Variants in ATP1A3 observed in about 807,000 individuals in gnomAD.
ATP1A3 encodes ATPase Na+/K+ transporting subunit alpha 3, also known as sodium/potassium-transporting ATPase subunit alpha-3.
ATP1A3 carries 12 observed loss-of-function variants against 108.8 expected under a neutral mutation model. The observed-to-expected ratio is 0.11, with a 90% CI of 0.07 to 0.18. ATP1A3 has a LOEUF of 0.18. Ranked by LOEUF, ATP1A3 falls within the 10% of genes least tolerant of loss-of-function variation. The pLI is 1.00. For synonymous variants in ATP1A3, 539 were observed against 564.5 expected (o/e 0.95, Z 0.64); for missense variants, 498 against 1,387.7 (o/e 0.36, Z 10.19).
In ATP1A3 at chr19:41,981,440, T is replaced by A; in HGVS notation, c.1437+62A>T. 6.2e-7 allele frequency: 1 copy of A among 1,612,836 alleles called. No individual in the cohort carries two copies. The highest frequency in any genetic ancestry group is 8.5e-7 in the Non-Finnish European group (1 of 1,179,176). On this transcript the variant is annotated intron_variant, in intron 11 of 22. Coordinates refer to ENST00000648268, the MANE Select transcript of ATP1A3 (RefSeq NM_152296.5). This position sits in a 1 kb window ranked among gnomAD's most constrained non-coding sequence, Gnocchi z 5.0. ...GGGAAAATCAAGGCTCTATGACACC[T>A]CTTTACAGGCGTCATAAGGAACCTG...
At position 41,977,929 on chromosome 19, in the gene ATP1A3, G is replaced by A. The variant is rs2145964292; in HGVS notation, c.1943+7C>T. The A allele has an allele frequency of 5.0e-6, 8 of 1,614,092 alleles. No individual in the cohort carries two copies. Among genetic ancestry groups the A allele is most frequent in the Non-Finnish European group, 6.8e-6 (8 of 1,179,968 alleles). Reference sequence around the variant, plus strand: ...GTCCAGGGCCCTGGCTGGGATGGGTGGCTCACCGGGGGTTAACCTGGCTGA... The same window carrying A: ...GTCCAGGGCCCTGGCTGGGATGGGTAGCTCACCGGGGGTTAACCTGGCTGA... On this transcript the variant is annotated splice_region_variant and intron_variant, in intron 14 of 22. Coordinates refer to ENST00000648268, the MANE Select transcript of ATP1A3 (RefSeq NM_152296.5).
At position 41,978,761 on chromosome 19, in the gene ATP1A3, C is replaced by T. The variant is rs564392504; in HGVS notation, c.1475G>A (p.Arg492Gln). The change falls in exon 12 of 23, where the codon CGA (arginine) becomes CAA (glutamine). Residue 492 changes from arginine (R) to glutamine (Q), a missense_variant. By Grantham distance (43) the Arg-to-Gln change is conservative. This residue lies in a region of ATP1A3 where 92 missense variants were observed against 168.7 expected (regional missense o/e 0.55). Coordinates refer to ENST00000648268, the MANE Select transcript of ATP1A3 (RefSeq NM_152296.5). This position sits in a 1 kb window ranked among gnomAD's most constrained non-coding sequence, Gnocchi z 8.3. ...IHETEDPNDN[R>Q]YLLVMKGAPE... Reference sequence around the variant, plus strand: ...GGCACCCTTCATCACCAGCAGGTATCGGTTGTCGTTGGGGTCCTCGGTCTC... The same window carrying T: ...GGCACCCTTCATCACCAGCAGGTATTGGTTGTCGTTGGGGTCCTCGGTCTC... 14 of 1,614,044 alleles carry T rather than the reference C, an allele frequency of 8.7e-6. No individual in the cohort carries two copies. Among genetic ancestry groups the T allele is most frequent in the Admixed American group, 1.7e-5 (1 of 60,022 alleles).
Position 41,970,378 on chromosome 19 carries a change from C to A in ATP1A3, c.2418+10G>T, listed in dbSNP as rs781793226. The A allele has an allele frequency of 6.2e-7, 1 of 1,614,246 alleles. No individual in the cohort carries two copies. Among genetic ancestry groups the A allele is most frequent in the South Asian group, 1.1e-5 (1 of 91,086 alleles). ...CCTCCTGGGCCCCAAGGGTGGCTGC[C>A]AGGGCTCACCATGTCAGTGCCCAGA... On this transcript the variant is annotated intron_variant, in intron 17 of 22. Coordinates refer to ENST00000648268, the MANE Select transcript of ATP1A3 (RefSeq NM_152296.5).
chr19:41,977,827 C>T, intron 14 of ATP1A3, 109 bp downstream of exon 14: 7 of 1,504,422 alleles, frequency 4.7e-6, no homozygotes, highest in Non-Finnish European at 6.3e-6. Flanking sequence ...ATGGAGGAGT[C>T]CCAGAAAGAA....
In ATP1A3 at chr19:41,966,919, G is replaced by A. The variant is rs1361805451; in HGVS notation, c.*18C>T. On this transcript the variant is annotated 3_prime_UTR_variant, in exon 23 of 23. Coordinates refer to ENST00000648268, the MANE Select transcript of ATP1A3 (RefSeq NM_152296.5). Reference sequence around the variant, plus strand: ...CCTGGGGGACGGGGAAGAGATGGGCGATGTGGTGGGGCTGAGGTCAGTAGT... The same window carrying A: ...CCTGGGGGACGGGGAAGAGATGGGCAATGTGGTGGGGCTGAGGTCAGTAGT... 4.0e-5 allele frequency: 62 copies of A among 1,551,282 alleles called. 1 individual carries two copies. The highest frequency in any genetic ancestry group is 5.1e-5 in the Non-Finnish European group (59 of 1,146,990).
Position 41,967,348 on chromosome 19 carries a change from G to T in ATP1A3, c.2922-8C>A, listed in dbSNP as rs1555858851. ...CAGAACCACCAGCTGGGCCTGCAGA[G>T]GGGAGAGCAGGAGGGCTTGAGTGCG... On this transcript the variant is annotated splice_region_variant and splice_polypyrimidine_tract_variant and intron_variant, in intron 21 of 22. Transcript: ENST00000648268. This position sits in a 1 kb window ranked among gnomAD's most constrained non-coding sequence, Gnocchi z 4.2. 5 of 1,605,074 alleles carry T rather than the reference G, an allele frequency of 3.1e-6. No homozygotes were observed. The highest frequency in any genetic ancestry group is 2.2e-5 in the East Asian group (1 of 44,892).
In ATP1A3 at chr19:41,966,593, C is replaced by G. The variant is rs1422855799; in HGVS notation, c.*344G>C. The G allele has an allele frequency of 1.4e-6, 2 of 1,408,224 alleles. No homozygotes were observed. Among genetic ancestry groups the G allele is most frequent in the Non-Finnish European group, 1.9e-6 (2 of 1,056,562 alleles). The allele number at this position is 1,408,224 out of a possible 1,614,324, so 87.2% of individuals were successfully genotyped here. A position where few individuals can be genotyped will look rare whatever the true frequency, so the allele number is the denominator to read the frequency against. ...AACACACACACCGCTTCTCTCTCCC[C>G]ACTGATATATTTGATAATTGTCCAG... On this transcript the variant is annotated 3_prime_UTR_variant, in exon 23 of 23. Coordinates refer to ENST00000648268, the MANE Select transcript of ATP1A3 (RefSeq NM_152296.5).
chr19:41,971,165 C>G (rs557062485), intron 16 of ATP1A3, among the ~76,000 whole-genome samples: 7 of 152,046 alleles, frequency 4.6e-5, no homozygotes, highest in African/African-American at 7.2e-5. Context: ...AGTCTCACCA[C>G]TTTTCCTAGG....
intron 16 of ATP1A3, among the ~76,000 whole-genome samples, chr19:41,971,927 A>C (rs2075114120): frequency 6.6e-6 from 1 of 152,170 alleles, no homozygotes; most frequent in South Asian, 2.1e-4. Flanking sequence ...ATATTCAACC[A>C]GTACAGGTTG....
Position 41,978,704 on chromosome 19 carries a change from A to G in ATP1A3, c.1532T>C (p.Ile511Thr). ...PERILDRCSTILLQGKEQPLD... is the reference protein window; with the variant it reads ...PERILDRCSTTLLQGKEQPLD... The stretch of plus-strand genomic sequence containing the variant: ...AGGCTGCTCCTTGCCCTGTAGCAGG[A>G]TGGTGGAGCAGCGGTCCAGGATGCG... Residue 511 changes from isoleucine to threonine, a missense_variant, in exon 12 of 23, where the codon ATC becomes ACC. By Grantham distance (89) the Ile-to-Thr change is moderately conservative. Transcript: ENST00000648268. The surrounding 1 kb of genome is among the most constrained non-coding windows in gnomAD (Gnocchi z 8.3). 6.2e-7 allele frequency: 1 copy of G among 1,614,060 alleles called. No individual in the cohort carries two copies. The highest frequency in any genetic ancestry group is 8.5e-7 in the Non-Finnish European group (1 of 1,179,988).
At chr19:41,970,932 T>C (rs2075101019) in intron 16 of ATP1A3, among the ~76,000 whole-genome samples, 1 of 149,358 alleles carries the variant, frequency 6.7e-6, no homozygotes, top group Non-Finnish European at 1.5e-5. Context: ...GCGCCCGGCC[T>C]GTCCAGCGTC....
intron 11 of ATP1A3, among the ~76,000 whole-genome samples, chr19:41,979,517 C>T (rs904423137): frequency 2.6e-5 from 4 of 152,100 alleles, no homozygotes; most frequent in African/African-American, 7.2e-5. Flanking sequence ...ATGTTGCCCA[C>T]GCTGGTCTCC....
At chr19:41,989,614 C>G (rs1294194005) in intron 1 of ATP1A3, among the ~76,000 whole-genome samples, 1 of 152,172 alleles carries the variant, frequency 6.6e-6, no homozygotes, top group Non-Finnish European at 1.5e-5. Flanking sequence ...CCACCGTGCC[C>G]GGCCTCGTAT....
Position 41,978,067 on chromosome 19 carries a change from G to C in ATP1A3, c.1812C>G (p.Ile604Met), listed in dbSNP as rs1397191126. The C allele has an allele frequency of 1.2e-6, 2 of 1,614,140 alleles. No homozygotes were observed. Among genetic ancestry groups the C allele is most frequent in the African/African-American group, 1.3e-5 (1 of 74,946 alleles). ...TGATGGGGTGATCGCCGGTGACCAT[G>C]ATGACCTGCAGGCATTGTTTTTTAG... ...GKCRSAGIKVIMVTGDHPITA... is the reference protein window; with the variant it reads ...GKCRSAGIKVMMVTGDHPITA... The change falls in exon 14 of 23, where the codon ATC (isoleucine) becomes ATG (methionine). Residue 604 changes from isoleucine to methionine, a missense_variant. By Grantham distance (10) the Ile-to-Met change is conservative (BLOSUM62 1). This residue lies in a region of ATP1A3 where 31 missense variants were observed against 132.5 expected (regional missense o/e 0.23). Coordinates refer to ENST00000648268, the MANE Select transcript of ATP1A3 (RefSeq NM_152296.5). The surrounding 1 kb of genome is among the most constrained non-coding windows in gnomAD (Gnocchi z 8.3).
chr19:41,991,743 C>T (rs189259321), intron 1 of ATP1A3, among the ~76,000 whole-genome samples: 42 of 151,882 alleles, frequency 2.8e-4, no homozygotes, highest in African/African-American at 8.7e-4. Flanking sequence ...TCCTGGATCC[C>T]TGGGTCTGAG....
chr19:41,981,969 T>G lies in ATP1A3; in HGVS notation c.1131A>C (p.Thr377=). 2 of 1,614,180 alleles carry G rather than the reference T, an allele frequency of 1.2e-6. No individual in the cohort carries two copies. The highest frequency in any genetic ancestry group is 1.7e-6 in the Non-Finnish European group (2 of 1,180,032). The change falls in exon 9 of 23, where the codon ACA becomes ACC. Residue 377 remains threonine, a synonymous_variant. Transcript: ENST00000648268. The surrounding 1 kb of genome is among the most constrained non-coding windows in gnomAD (Gnocchi z 5.0). ...KTGTLTQNRM[T]VAHMWFDNQI... ...GGTTGTCAAACCACATGTGGGCGAC[T>G]GTCATGCGGTTCTGAGTGAGGGTCC...
chr19:41,980,779 C>G (rs1404557770), intron 11 of ATP1A3, among the ~76,000 whole-genome samples: 1 of 151,868 alleles, frequency 6.6e-6, no homozygotes, highest in Non-Finnish European at 1.5e-5. Flanking sequence ...GGCATGGTGG[C>G]GGGCGCCTGT....
At chr19:41,970,160 G>T in intron 18 of ATP1A3, 25 bp downstream of exon 18, 1 of 1,614,236 alleles carries the variant, frequency 6.2e-7, no homozygotes, top group Middle Eastern at 1.6e-4. Context: ...TGGGTGGTAA[G>T]GAGATGGAGT....
At chr19:41,980,465 C>T (rs2075218908) in intron 11 of ATP1A3, among the ~76,000 whole-genome samples, 1 of 151,792 alleles carries the variant, frequency 6.6e-6, no homozygotes, top group African/African-American at 2.4e-5. Context: ...AATACAAAAA[C>T]TAGCTGGGTG....
Sources: allele counts gnomAD v4.1 joint callset (sites outside exome capture counted in the v4.1 genomes callset), GRCh38; gene constraint gnomAD v4.1.1; regional missense constraint gnomAD v4.1.1; non-coding constraint Gnocchi (gnomAD v3.1); transcripts MANE v1.5; gene names NCBI Gene and HGNC (gene_info 2026-07-23, HGNC 2026-07-21).